UQCC1: variants seen among roughly 807,000 people sequenced by gnomAD.
UQCC1 encodes bFGF-repressed Zic-binding protein.
A neutral mutation model predicts 48.0 loss-of-function variants in UQCC1; 38 were observed. The observed-to-expected ratio is 0.79, with a 90% CI of 0.61 to 1.04. The LOEUF (loss-of-function observed/expected upper bound fraction) is 1.04, where lower values mean the gene tolerates loss of function less well. UQCC1 is among the 50% of genes least tolerant of loss of function. The pLI, the probability that UQCC1 is intolerant of heterozygous loss-of-function variation, is 0.00. For synonymous variants in UQCC1, 111 were observed against 129.2 expected, an observed-to-expected ratio of 0.86 and a Z score of 0.95; for missense variants, 368 against 381.8, an observed-to-expected ratio of 0.96 and a Z score of 0.30.
chr20:35,391,298 A>G (rs2062011739), intron 2 of UQCC1, among the ~76,000 whole-genome samples: 1 of 152,236 alleles, frequency 6.6e-6, no homozygotes, highest in Admixed American at 6.5e-5. Context: ...AGTACTCTTC[A>G]AAAGTGTCTA....
At chr20:35,342,929 A>C (rs2061396556) in intron 7 of UQCC1, among the ~76,000 whole-genome samples, 1 of 152,180 alleles carries the variant, frequency 6.6e-6, no homozygotes, top group South Asian at 2.1e-4. Context: ...GGGCTCCAAA[A>C]AGTTGGTGAA....
At position 35,356,946 on chromosome 20, in the gene UQCC1, A is replaced by T. The variant is rs562366858; in HGVS notation, c.464+9611T>A. Among the ~76,000 whole-genome samples the T allele has an allele frequency of 2.6e-5, 4 of 152,350 alleles. No homozygotes were observed. In the East Asian group the frequency reaches 5.8e-4, roughly 22 times the overall value. On this transcript the variant is annotated intron_variant, in intron 6 of 9. Coordinates refer to ENST00000374385, the MANE Select transcript of UQCC1 (RefSeq NM_018244.5). ...TAGGAAAAGAGGAAATGAAAAATTT[A>T]TTTAATAGAGACACGAAAAAAATAA...
chr20:35,304,431 C>T (rs928818255), intron 9 of UQCC1, among the ~76,000 whole-genome samples: 17 of 152,154 alleles, frequency 1.1e-4, no homozygotes, highest in Non-Finnish European at 5.9e-5. Context: ...GCAGCGCACA[C>T]AGCCATGCTG....
intron 7 of UQCC1, among the ~76,000 whole-genome samples, chr20:35,326,416 A>C (rs529261563): frequency 6.6e-6 from 1 of 152,340 alleles, no homozygotes; most frequent in African/African-American, 2.4e-5. Context: ...TGATTTTAGC[A>C]ATCACCATGC....
intron 2 of UQCC1, among the ~76,000 whole-genome samples, chr20:35,391,500 T>G (rs2146508233): frequency 6.6e-6 from 1 of 152,098 alleles, no homozygotes; most frequent in East Asian, 1.9e-4. Context: ...GGCACATACT[T>G]GTAATCCCAG....
At chr20:35,361,708 T>G (rs956491443) in intron 6 of UQCC1, among the ~76,000 whole-genome samples, 3 of 152,218 alleles carry the variant, frequency 2.0e-5, no homozygotes, top group African/African-American at 4.8e-5. Context: ...ACATTCTAAC[T>G]ACTTCTTTGG....
chr20:35,309,609 C>T (rs1177295185), intron 8 of UQCC1, among the ~76,000 whole-genome samples: 2 of 152,188 alleles, frequency 1.3e-5, no homozygotes, highest in Non-Finnish European at 2.9e-5. Flanking sequence ...GAGGGCACAG[C>T]ATAATTTCCC....
intron 4 of UQCC1, 31 bp downstream of exon 4, chr20:35,381,887 G>A (rs1299749688): frequency 2.2e-6 from 3 of 1,334,112 alleles, no homozygotes; most frequent in South Asian, 1.3e-5. Context: ...ATGCCCAAAA[G>A]GAAAAATGAG....
At chr20:35,357,518 CA>C (rs11312584) in intron 6 of UQCC1, among the ~76,000 whole-genome samples, 151,188 of 151,194 alleles carry the variant, frequency 1, 75,591 homozygotes, top group Middle Eastern at 1. Context: ...GACTCCGTCT[CA>C]AAAAAAAATT....
intron 9 of UQCC1, 134 bp downstream of exon 9, chr20:35,306,532 C>G: frequency 1.5e-6 from 1 of 678,292 alleles, no homozygotes; most frequent in Non-Finnish European, 2.6e-6. Flanking sequence ...TCTTCAGCGT[C>G]TAGTGCTGAT....
At chr20:35,317,556 G>T (rs1350903661) in intron 7 of UQCC1, among the ~76,000 whole-genome samples, 1 of 152,132 alleles carries the variant, frequency 6.6e-6, no homozygotes, top group Non-Finnish European at 1.5e-5. Context: ...ATCCATCCTT[G>T]GTGTTCTCAC....
At chr20:35,356,893 A>G (rs956523543) in intron 6 of UQCC1, among the ~76,000 whole-genome samples, 5 of 152,226 alleles carry the variant, frequency 3.3e-5, no homozygotes, top group Admixed American at 1.3e-4. Flanking sequence ...AAGCATACCT[A>G]TAACAAGAGT....
rs375597039 is a variant in UQCC1, at chr20:35,384,043, G to A, written c.220C>T (p.Arg74Cys). ...IQLNRKYHTTRKLSTTKDSPQ... is the reference protein window; with the variant it reads ...IQLNRKYHTTCKLSTTKDSPQ... ...AATGCACTGATAATTCTCACCTTAC[G>A]TGTGGTGTGATACTTCCTATTCAGC... Residue 74 changes from arginine (R) to cysteine (C), a missense_variant, in exon 3 of 10, where the codon CGT (arginine) becomes TGT (cysteine). Arg to Cys is a radical substitution (Grantham distance 180, BLOSUM62 -3). Transcript: ENST00000374385. 3.3e-4 allele frequency: 524 copies of A among 1,610,952 alleles called. 8 individuals carry two copies. The South Asian group carries it at 5.4e-3, about 17-fold the overall frequency.
At chr20:35,338,827 G>A (rs1438963894) in intron 7 of UQCC1, among the ~76,000 whole-genome samples, 3 of 120,050 alleles carry the variant, frequency 2.5e-5, no homozygotes, top group East Asian at 2.8e-4. Context: ...ACTCCAGACC[G>A]GGCGAGAAAG....
rs1261032592 is a variant in UQCC1, at chr20:35,394,131, G to A, written c.90C>T (p.Thr30=). The A allele has an allele frequency of 6.2e-7, 1 of 1,613,972 alleles. No individual in the cohort carries two copies. Among genetic ancestry groups the A allele is most frequent in the Admixed American group, 1.7e-5 (1 of 59,998 alleles). ...ACAGAGCCCTGTCCCCCTGTCCTTGGGTAGGAGACACAGGTATCAATCGGC... is the reference window on the plus strand; with the variant it reads ...ACAGAGCCCTGTCCCCCTGTCCTTGAGTAGGAGACACAGGTATCAATCGGC... The part of the protein sequence containing the change: ...VCSRLIPVSP[T]QGQGDRALSR... Residue 30 remains threonine (T), a synonymous_variant, in exon 2 of 10, where the codon ACC becomes ACT. Transcript: ENST00000374385.
intron 7 of UQCC1, among the ~76,000 whole-genome samples, chr20:35,335,624 T>C (rs1037883680): frequency 1.3e-5 from 2 of 152,142 alleles, no homozygotes; most frequent in African/African-American, 4.8e-5. Flanking sequence ...AATAGGTCAA[T>C]CCATAGAAAC....
At chr20:35,367,731 G>A (rs889441133) in intron 5 of UQCC1, among the ~76,000 whole-genome samples, 15 of 152,064 alleles carry the variant, frequency 9.9e-5, no homozygotes, top group Admixed American at 9.2e-4. Flanking sequence ...CTGTACTCAC[G>A]CCTGAGTGAC....
chr20:35,349,556 G>GT (rs2061468259), intron 6 of UQCC1, among the ~76,000 whole-genome samples: 1 of 152,198 alleles, frequency 6.6e-6, no homozygotes. Context: ...AAACCAGAAC[G>GT]TATTTGGAAT....
At chr20:35,307,915 G>A (rs748811457) in intron 8 of UQCC1, among the ~76,000 whole-genome samples, 21 of 152,258 alleles carry the variant, frequency 1.4e-4, no homozygotes, top group Admixed American at 2.6e-4. Context: ...ATGGCCATGC[G>A]GCCTTTAAGA....
Sources: allele counts gnomAD v4.1 joint callset (sites outside exome capture counted in the v4.1 genomes callset), GRCh38; gene constraint gnomAD v4.1.1; transcripts MANE v1.5; gene names NCBI Gene and HGNC (gene_info 2026-07-23, HGNC 2026-07-21).